Variants in LONP2 observed in about 807,000 individuals in gnomAD.
LONP2 encodes the protein lon protease homolog 2, peroxisomal.
LONP2 carries 60 observed loss-of-function variants against 85.6 expected under a neutral mutation model. The observed-to-expected ratio is 0.70, with a 90% CI of 0.57 to 0.87. The LOEUF (loss-of-function observed/expected upper bound fraction) is 0.87, where lower values mean the gene tolerates loss of function less well. Among genes scored for constraint, LONP2 ranks in the 40% least tolerant of loss-of-function variants. The probability of loss-of-function intolerance (pLI) is 0.00; values close to 1 mark genes in which losing one functional copy is unlikely to be tolerated. For missense variants in LONP2, 860 were observed against 1,063.5 expected (o/e 0.81, Z 2.66); for synonymous variants, 395 against 389.7 (o/e 1.01, Z -0.16).
intron 14 of LONP2, among the ~76,000 whole-genome samples, chr16:48,351,319 T>C (rs1960138379): frequency 6.6e-6 from 1 of 152,130 alleles, no homozygotes; most frequent in Non-Finnish European, 1.5e-5. Flanking sequence ...AAAACAATCA[T>C]TGACAGAAGA....
rs1388591170 is a variant in LONP2 at position 48,354,078 on chromosome 16, T to TGGG, written c.*2276_*2277insGGG. ...CCTTTTTCACCTGGGTTTTTTTTTTTTGGGGGGGGTGGGGGGTTAGGGGTG... is the reference window on the plus strand; with the variant it reads ...CCTTTTTCACCTGGGTTTTTTTTTTTGGGTGGGGGGGGTGGGGGGTTAGGGGTG... On this transcript the variant is annotated 3_prime_UTR_variant, in exon 15 of 15. Coordinates refer to ENST00000285737, the MANE Select transcript of LONP2 (RefSeq NM_031490.5). 4.5e-3 allele frequency: 33 copies of TGGG among 7,288 alleles called. No homozygotes were observed. Among genetic ancestry groups the TGGG allele is most frequent in the African/African-American group, 0.019 (33 of 1,748 alleles). 0.5% of individuals were successfully genotyped at this position (7,288 alleles called of 1,614,324 possible). A position where few individuals can be genotyped will look rare whatever the true frequency, so the allele number is the denominator to read the frequency against.
At chr16:48,334,732 C>T in intron 12 of LONP2, 1 of 546,402 alleles carries the variant, frequency 1.8e-6, no homozygotes, top group African/African-American at 1.9e-5. Flanking sequence ...ATATCAGACA[C>T]TGCTGGTCAG....
At chr16:48,268,592 G>C (rs1465397323) in intron 6 of LONP2, among the ~76,000 whole-genome samples, 1 of 152,064 alleles carries the variant, frequency 6.6e-6, no homozygotes, top group African/African-American at 2.4e-5. Flanking sequence ...TTTGTCTGAG[G>C]TTTTCTTTTA....
At chr16:48,272,528 A>G (rs535450735) in intron 7 of LONP2, among the ~76,000 whole-genome samples, 225 of 152,292 alleles carry the variant, frequency 1.5e-3, no homozygotes, top group African/African-American at 5.0e-3. Context: ...GAAAATAAGA[A>G]TTGACTTTAT....
chr16:48,316,348 A>C (rs1178414647), intron 11 of LONP2, among the ~76,000 whole-genome samples: 1 of 113,426 alleles, frequency 8.8e-6, no homozygotes, highest in Non-Finnish European at 1.7e-5. Flanking sequence ...TTTTTTTGAG[A>C]CGGAGTCTCG....
intron 8 of LONP2, among the ~76,000 whole-genome samples, chr16:48,278,291 C>T (rs2046529): frequency 0.014 from 2,091 of 152,234 alleles, 46 homozygotes; most frequent in African/African-American, 0.048. Flanking sequence ...TCTTCTTAAG[C>T]GTCCGGTCTG....
intron 12 of LONP2, chr16:48,336,313 G>A (rs1410009075): frequency 2.2e-6 from 1 of 455,486 alleles, no homozygotes; most frequent in Non-Finnish European, 4.4e-6. Context: ...TTTCCTTGTA[G>A]CATGTGAGCT....
At chr16:48,272,050 A>T (rs542292058) in intron 7 of LONP2, among the ~76,000 whole-genome samples, 1 of 152,330 alleles carries the variant, frequency 6.6e-6, no homozygotes, top group East Asian at 1.9e-4. Context: ...CATCATAAGC[A>T]CGTGACATGT....
chr16:48,361,382 T>TAC, downstream of LONP2: 1 of 553,520 alleles, frequency 1.8e-6, no homozygotes, highest in Admixed American at 3.3e-5. Context: ...TTCAGTGGTT[T>TAC]ACTGTTGACT....
chr16:48,270,367 T>A (rs1596928868), intron 7 of LONP2, 93 bp downstream of exon 7: 2 of 1,336,896 alleles, frequency 1.5e-6, no homozygotes, highest in East Asian at 4.6e-5. Flanking sequence ...ACATCTATTT[T>A]CCTTAAAGGG....
chr16:48,316,843 T>C (rs1440643016), intron 11 of LONP2, among the ~76,000 whole-genome samples: 1 of 152,218 alleles, frequency 6.6e-6, no homozygotes, highest in Non-Finnish European at 1.5e-5. Context: ...TTTTTTGTTC[T>C]GTTTTTTAGC....
chr16:48,334,759 G>C (rs1174464000), intron 12 of LONP2: 3 of 553,060 alleles, frequency 5.4e-6, no homozygotes, highest in Admixed American at 4.0e-5. Context: ...TGCCCTACCT[G>C]TCTTGAATTT....
intron 8 of LONP2, among the ~76,000 whole-genome samples, chr16:48,285,461 A>C (rs1042659408): frequency 2.0e-5 from 3 of 151,858 alleles, no homozygotes; most frequent in Non-Finnish European, 4.4e-5. Context: ...TGAAACTCGT[A>C]TTATGGTGTG....
At chr16:48,331,595 C>T (rs963021477) in intron 11 of LONP2, among the ~76,000 whole-genome samples, 4 of 148,708 alleles carry the variant, frequency 2.7e-5, no homozygotes, top group African/African-American at 1.0e-4. Context: ...GACGGAGTCT[C>T]ACTGTGTCGC....
chr16:48,258,776 A>C, intron 4 of LONP2, 36 bp downstream of exon 4: 1 of 1,565,322 alleles, frequency 6.4e-7, no homozygotes, highest in Middle Eastern at 1.7e-4. Context: ...AGTTTTGAAA[A>C]AAAAATAAGG....
At chr16:48,359,712 G>A (rs1597015537), downstream of LONP2, among the ~76,000 whole-genome samples, 2 of 150,616 alleles carry the variant, frequency 1.3e-5, no homozygotes, top group Admixed American at 6.6e-5. Context: ...GTAAAACTCC[G>A]TCTCAAAAAA....
chr16:48,250,763 G>C lies in LONP2; in HGVS notation c.234-1368G>C, dbSNP rs140666659. Among the ~76,000 whole-genome samples, 55 of 152,328 alleles carry C rather than the reference G, an allele frequency of 3.6e-4. 1 individual carries two copies. In the East Asian group the frequency reaches 0.01, roughly 28 times the overall value. On this transcript the variant is annotated intron_variant, in intron 1 of 14. Transcript: ENST00000285737. ...TTATGTTTAAGTTATTCTCTAATCA[G>C]TTTAGAGGTGGCTCACTTCCTCAGG... is the stretch of plus-strand genomic sequence containing the variant.
intron 11 of LONP2, among the ~76,000 whole-genome samples, chr16:48,304,406 T>C (rs774069456): frequency 1.6e-4 from 24 of 152,224 alleles, no homozygotes; most frequent in Non-Finnish European, 2.6e-4. Flanking sequence ...TGGTATCTAC[T>C]TAAAATGTTT....
intron 11 of LONP2, among the ~76,000 whole-genome samples, chr16:48,316,323 CT>C (rs776343152): frequency 1.5e-3 from 154 of 106,008 alleles, no homozygotes; most frequent in Middle Eastern, 7.4e-3. Context: ...CCATTGGATT[CT>C]TTTTTTTTTT....
Sources: gnomAD v4.1 joint callset for allele counts (sites outside exome capture counted in the v4.1 genomes callset) on GRCh38, gnomAD v4.1.1 for gene constraint, MANE v1.5 for transcripts, NCBI Gene and HGNC (gene_info 2026-07-23, HGNC 2026-07-21) for gene names.